SYT14: variants seen among roughly 807,000 people sequenced by gnomAD.
SYT14 encodes synaptotagmin 14.
A neutral mutation model predicts 74.2 loss-of-function variants in SYT14; 32 were observed. The observed-to-expected ratio is 0.43, with a 90% CI of 0.33 to 0.58. The LOEUF (loss-of-function observed/expected upper bound fraction) is 0.58, where lower values mean the gene tolerates loss of function less well. Among genes scored for constraint, SYT14 ranks in the 20% least tolerant of loss-of-function variants. SYT14 has a pLI of 0.05. For missense variants in SYT14, 791 were observed against 981.8 expected (o/e 0.81, Z 2.60); for synonymous variants, 298 against 337.7 (o/e 0.88, Z 1.29).
chr1:210,019,804 T>C (rs932232096), intron 4 of SYT14, among the ~76,000 whole-genome samples: 1 of 152,210 alleles, frequency 6.6e-6, no homozygotes, highest in African/African-American at 2.4e-5. Flanking sequence ...TTTTAACTAC[T>C]GTAGTCTCTT....
At chr1:210,129,122 T>C (rs1415227557) in intron 7 of SYT14, among the ~76,000 whole-genome samples, 1 of 152,180 alleles carries the variant, frequency 6.6e-6, no homozygotes, top group African/African-American at 2.4e-5. Flanking sequence ...TTTAATCATA[T>C]AAAAAGCCAG....
rs747667077 is a variant in SYT14 at position 210,160,864 on chromosome 1, C to G, written c.2417C>G (p.Ser806Cys). ...TTTCAAGTGGCCCTATTTCAGCTTT[C>G]TGATGTGACACTCATACTGTCTGTG... is the stretch of plus-strand genomic sequence containing the variant. The change falls in exon 10 of 10, where the codon TCT (serine) becomes TGT (cysteine). Residue 806 changes from serine (S) to cysteine (C), a missense_variant. Transcript: ENST00000637265. 9 of 1,613,860 alleles carry G rather than the reference C, an allele frequency of 5.6e-6. No individual in the cohort carries two copies. The Admixed American group carries it at 1.5e-4, about 27-fold the overall frequency.
intron 5 of SYT14, among the ~76,000 whole-genome samples, chr1:210,040,683 A>G (rs751934826): frequency 7.2e-5 from 11 of 152,120 alleles, no homozygotes; most frequent in African/African-American, 2.7e-4. Flanking sequence ...AATTAATTCT[A>G]TGTCTTTATG....
At chr1:209,947,089 A>G (rs1040816797) in intron 1 of SYT14, among the ~76,000 whole-genome samples, 2 of 152,238 alleles carry the variant, frequency 1.3e-5, no homozygotes, top group African/African-American at 2.4e-5. Flanking sequence ...GATGCCTTTC[A>G]AAATGTTACT....
chr1:210,102,976 C>T (rs2082095391), intron 7 of SYT14, among the ~76,000 whole-genome samples: 2 of 152,080 alleles, frequency 1.3e-5, no homozygotes, highest in African/African-American at 4.8e-5. Context: ...CCATGCCAGG[C>T]CTTCTAGTAG....
intron 5 of SYT14, among the ~76,000 whole-genome samples, chr1:210,052,524 A>T (rs1014783170): frequency 6.6e-6 from 1 of 151,044 alleles, no homozygotes; most frequent in Non-Finnish European, 1.5e-5. Context: ...TTAGCTGGGT[A>T]TGGTGGCGGG....
chr1:210,037,575 G>T (rs2080694724), intron 5 of SYT14, among the ~76,000 whole-genome samples: 1 of 149,954 alleles, frequency 6.7e-6, no homozygotes, highest in African/African-American at 2.4e-5. Context: ...GGTACATAGT[G>T]CTATAGACTG....
intron 7 of SYT14, among the ~76,000 whole-genome samples, chr1:210,140,582 TATAAG>T (rs1234527553): frequency 2.6e-5 from 4 of 152,140 alleles, no homozygotes; most frequent in Admixed American, 1.3e-4. Context: ...CATTGCCTAA[TATAAG>T]ATAAAGATTT....
At chr1:210,089,814 A>G (rs2081825669) in intron 5 of SYT14, among the ~76,000 whole-genome samples, 1 of 152,262 alleles carries the variant, frequency 6.6e-6, no homozygotes, top group African/African-American at 2.4e-5. Flanking sequence ...AAAGCAACGA[A>G]AAAATCAAGC....
At chr1:210,108,210 T>C (rs1013062701) in intron 7 of SYT14, among the ~76,000 whole-genome samples, 5 of 152,196 alleles carry the variant, frequency 3.3e-5, no homozygotes, top group African/African-American at 1.2e-4. Context: ...TACATGATTG[T>C]CTTGGGTGAG....
chr1:210,092,415 T>G (rs1440354788), intron 5 of SYT14, among the ~76,000 whole-genome samples: 5 of 152,294 alleles, frequency 3.3e-5, no homozygotes, highest in East Asian at 3.9e-4. Flanking sequence ...ACAAAAACTT[T>G]CCTGGAAGGT....
rs2079482815 is a variant in SYT14, at chr1:209,981,439, CTTTTTCTTTTCTT to C, written c.-486+28689_-486+28701del. 3.2e-5 allele frequency among the ~76,000 whole-genome samples: 4 copies of C among 124,154 alleles called. No homozygotes were observed. In the East Asian group the frequency reaches 7.8e-4, roughly 24 times the overall value. The allele number at this position is 124,154 out of a possible 152,430, so 81.4% of individuals were successfully genotyped here. On this transcript the variant is annotated intron_variant, in intron 2 of 9. Transcript: ENST00000637265. ...ATTTCTTTTCTTTCTTTTTCTTTTT[CTTTTTCTTTTCTT>C]TTTTTTTTTTTTTTTTTGAGGCAGG...
chr1:210,148,864 C>T (rs2083098760), intron 7 of SYT14, among the ~76,000 whole-genome samples: 1 of 152,150 alleles, frequency 6.6e-6, no homozygotes, highest in Non-Finnish European at 1.5e-5. Context: ...ATAATTTTGA[C>T]ACCAACTAGA....
chr1:209,945,720 A>C (rs902286483), intron 1 of SYT14, among the ~76,000 whole-genome samples: 1 of 152,238 alleles, frequency 6.6e-6, no homozygotes, highest in African/African-American at 2.4e-5. Flanking sequence ...CAGAATAAAC[A>C]TGGTAGACAA....
intron 2 of SYT14, 133 bp from the exon 3 acceptor site, chr1:210,013,500 T>A: frequency 1.1e-6 from 1 of 876,982 alleles, no homozygotes; most frequent in East Asian, 2.6e-5. Flanking sequence ...TAAACGAAAC[T>A]GTTTTTAAAC....
At chr1:210,066,999 A>G (rs1008841036) in intron 5 of SYT14, among the ~76,000 whole-genome samples, 2 of 152,072 alleles carry the variant, frequency 1.3e-5, no homozygotes, top group South Asian at 2.1e-4. Flanking sequence ...ATAGTATAAG[A>G]TAAGGGTCTA....
intron 2 of SYT14, among the ~76,000 whole-genome samples, chr1:209,973,535 A>G (rs1041226581): frequency 1.1e-4 from 17 of 152,218 alleles, no homozygotes; most frequent in African/African-American, 3.9e-4. Flanking sequence ...TACAAAGGAC[A>G]TGAACTCATC....
intron 2 of SYT14, among the ~76,000 whole-genome samples, chr1:209,955,643 C>T (rs2102692152): frequency 6.6e-6 from 1 of 152,246 alleles, no homozygotes; most frequent in Non-Finnish European, 1.5e-5. Flanking sequence ...TCAGGCCAAC[C>T]ACTTTGCTTG....
At chr1:210,120,679 C>A (rs1421805243) in intron 7 of SYT14, among the ~76,000 whole-genome samples, 3 of 151,920 alleles carry the variant, frequency 2.0e-5, no homozygotes, top group Admixed American at 2.0e-4. Flanking sequence ...TTTCTCAGAC[C>A]GTTTCTGTGT....
Sources: gnomAD v4.1 joint callset for allele counts (sites outside exome capture counted in the v4.1 genomes callset) on GRCh38, gnomAD v4.1.1 for gene constraint, MANE v1.5 for transcripts, NCBI Gene and HGNC (gene_info 2026-07-23, HGNC 2026-07-21) for gene names.